SGCD: variants seen among roughly 807,000 people sequenced by gnomAD.
SGCD encodes the protein sarcoglycan delta.
SGCD carries 18 observed loss-of-function variants against 36.6 expected under a neutral mutation model. The ratio of observed to expected loss-of-function variants is 0.49; its 90% confidence interval spans 0.34 to 0.73. The LOEUF (loss-of-function observed/expected upper bound fraction) is 0.73. SGCD is among the 30% of genes least tolerant of loss of function. SGCD has a pLI of 0.01. For synonymous variants in SGCD, 133 were observed against 130.6 expected, an observed-to-expected ratio of 1.02 and a Z score of -0.12; for missense variants, 387 against 346.7, an observed-to-expected ratio of 1.12 and a Z score of -0.92.
At chr5:156,347,114 A>G (rs1768993708) in intron 3 of SGCD, among the ~76,000 whole-genome samples, 1 of 152,060 alleles carries the variant, frequency 6.6e-6, no homozygotes, top group Non-Finnish European at 1.5e-5. Context: ...TACTTTCTTT[A>G]AAGACAAGCA....
At chr5:156,568,721 G>T (rs1461464149) in intron 4 of SGCD, among the ~76,000 whole-genome samples, 1 of 152,192 alleles carries the variant, frequency 6.6e-6, no homozygotes, top group Non-Finnish European at 1.5e-5. Context: ...GTGCAGATTT[G>T]CTTAGTGAAT....
At chr5:156,423,361 ATATAT>A (rs1267457033) in intron 3 of SGCD, among the ~76,000 whole-genome samples, 62 of 63,712 alleles carry the variant, frequency 9.7e-4, no homozygotes, top group African/African-American at 1.3e-3. Context: ...TTTTATTATA[ATATAT>A]TATATTTTAT....
chr5:156,477,710 G>A (rs1377931342), intron 3 of SGCD, among the ~76,000 whole-genome samples: 1 of 144,098 alleles, frequency 6.9e-6, no homozygotes, highest in African/African-American at 2.6e-5. Context: ...AAAAAGTGAT[G>A]TCAAGGTCAT....
intron 6 of SGCD, among the ~76,000 whole-genome samples, chr5:156,611,919 A>G (rs1456747663): frequency 1.3e-5 from 2 of 152,062 alleles, no homozygotes; most frequent in African/African-American, 4.8e-5. Context: ...CAACTCCAAG[A>G]TTTCTGGGGT....
chr5:156,007,949 A>T (rs1758786966), intron 1 of SGCD, among the ~76,000 whole-genome samples: 1 of 152,222 alleles, frequency 6.6e-6, no homozygotes, highest in Admixed American at 6.5e-5. Flanking sequence ...CTCTCCCACG[A>T]TGTAATGATT....
At chr5:156,668,675 A>G (rs1272652482) in intron 7 of SGCD, among the ~76,000 whole-genome samples, 1 of 152,222 alleles carries the variant, frequency 6.6e-6, no homozygotes, top group African/African-American at 2.4e-5. Flanking sequence ...ATCAAAGGGG[A>G]AAATGAGGCA....
intron 3 of SGCD, among the ~76,000 whole-genome samples, chr5:156,242,931 G>A (rs540440988): frequency 6.6e-6 from 1 of 152,334 alleles, no homozygotes; most frequent in South Asian, 2.1e-4. Flanking sequence ...TAACAAAGTT[G>A]TTGCTACAGA....
chr5:156,333,408 CTTAAAA>C (rs1406567209), intron 2 of SGCD, among the ~76,000 whole-genome samples: 1 of 152,138 alleles, frequency 6.6e-6, no homozygotes. Flanking sequence ...AATAATATGT[CTTAAAA>C]TTAATATCCA....
At chr5:156,069,604 C>A (rs200118030) in intron 1 of SGCD, among the ~76,000 whole-genome samples, 1 of 151,962 alleles carries the variant, frequency 6.6e-6, no homozygotes, top group African/African-American at 2.4e-5. Context: ...CTTGGCAATG[C>A]GGGCTCTTTT....
At chr5:156,519,877 G>T (rs937600336) in intron 4 of SGCD, among the ~76,000 whole-genome samples, 4 of 151,870 alleles carry the variant, frequency 2.6e-5, no homozygotes, top group Admixed American at 2.6e-4. Flanking sequence ...AAAATAACAG[G>T]TGCCATCTAT....
intron 3 of SGCD, among the ~76,000 whole-genome samples, chr5:156,139,899 G>A (rs542387373): frequency 6.6e-6 from 1 of 152,302 alleles, no homozygotes; most frequent in Non-Finnish European, 1.5e-5. Context: ...CCTCAGGAAT[G>A]AGATTGACAC....
At chr5:156,416,784 G>T (rs1773063845) in intron 3 of SGCD, among the ~76,000 whole-genome samples, 1 of 152,132 alleles carries the variant, frequency 6.6e-6, no homozygotes, top group South Asian at 2.1e-4. Context: ...TTGTCAAGTT[G>T]CTTCCAAAAG....
chr5:156,512,898 T>C (rs1192264383), intron 4 of SGCD, among the ~76,000 whole-genome samples: 2 of 152,154 alleles, frequency 1.3e-5, no homozygotes, highest in Non-Finnish European at 2.9e-5. Flanking sequence ...TTTAAAACCA[T>C]CTATTTAATG....
chr5:156,506,772 T>C (rs1452389985), intron 3 of SGCD, among the ~76,000 whole-genome samples: 3 of 152,198 alleles, frequency 2.0e-5, no homozygotes, highest in Non-Finnish European at 4.4e-5. Flanking sequence ...AGATGTTAGA[T>C]AGCCAATTCA....
At chr5:156,154,230 T>C (rs1032727736) in intron 3 of SGCD, among the ~76,000 whole-genome samples, 5 of 151,560 alleles carry the variant, frequency 3.3e-5, no homozygotes, top group Non-Finnish European at 7.3e-5. Flanking sequence ...CTTTCTTTCC[T>C]CCCAAGGAGG....
intron 3 of SGCD, among the ~76,000 whole-genome samples, chr5:156,244,371 T>A (rs1261933729): frequency 6.6e-6 from 1 of 151,984 alleles, no homozygotes; most frequent in Non-Finnish European, 1.5e-5. Flanking sequence ...AATAATGGAG[T>A]CTCTAAGGAT....
chr5:155,918,764 G>A (rs926809257), intron 1 of SGCD, among the ~76,000 whole-genome samples: 12 of 152,172 alleles, frequency 7.9e-5, no homozygotes, highest in Non-Finnish European at 1.8e-4. Flanking sequence ...TTCAATTTCT[G>A]ATCCAGTTTT....
intron 4 of SGCD, among the ~76,000 whole-genome samples, chr5:156,511,376 T>C (rs1756919271): frequency 6.6e-6 from 1 of 152,240 alleles, no homozygotes; most frequent in Admixed American, 6.5e-5. Context: ...ACCTGCACCA[T>C]TGCAACAGTC....
intron 1 of SGCD, among the ~76,000 whole-genome samples, chr5:156,056,156 G>A (rs1760050143): frequency 6.9e-6 from 1 of 145,716 alleles, no homozygotes; most frequent in South Asian, 2.2e-4. Flanking sequence ...CAATGACAGA[G>A]ATCTGACCTA....
Sources: gnomAD v4.1 joint callset for allele counts (sites outside exome capture counted in the v4.1 genomes callset) on GRCh38, gnomAD v4.1.1 for gene constraint, MANE v1.5 for transcripts, NCBI Gene and HGNC (gene_info 2026-07-23, HGNC 2026-07-21) for gene names.